Variants in SPHKAP observed in about 807,000 individuals in gnomAD.
SPHKAP encodes SPHK1 interactor, AKAP domain containing, also known as A-kinase anchor protein SPHKAP.
Under a neutral mutation model 137.5 loss-of-function variants are expected in SPHKAP, and 67 were observed. That is an observed-to-expected ratio of 0.49 (90% CI 0.40 to 0.60). The LOEUF (loss-of-function observed/expected upper bound fraction) is 0.60. SPHKAP is among the 20% of genes least tolerant of loss of function. The pLI, the probability that SPHKAP is intolerant of heterozygous loss-of-function variation, is 0.00. For synonymous variants in SPHKAP, 813 were observed against 785.3 expected (o/e 1.04, Z -0.59); for missense variants, 2,097 against 2,069.3 (o/e 1.01, Z -0.26).
rs1294309396 is a variant in SPHKAP, at chr2:227,991,064, G to C, written c.4895C>G (p.Ala1632Gly). The C allele has an allele frequency of 2.5e-6, 4 of 1,614,164 alleles. No individual in the cohort carries two copies. In the Admixed American group the frequency reaches 6.7e-5, roughly 27 times the overall value. Residue 1632 changes from alanine to glycine, a missense_variant, in exon 11 of 12, where the codon GCT becomes GGT. Physicochemically the swap from Ala to Gly is moderately conservative, Grantham distance 60. Coordinates refer to ENST00000392056, the MANE Select transcript of SPHKAP (RefSeq NM_001142644.2). ...AELRATLQWI[A>G]ASELGIPTIY... is the part of the protein sequence containing the mutation. ...GGTGGGAATCCCCAGTTCAGAGGCA[G>C]CTATCCACTGCAGAGTGGCTCGGAG...
chr2:228,102,736 A>ATTT (rs1054466264), intron 3 of SPHKAP, among the ~76,000 whole-genome samples: 12 of 150,526 alleles, frequency 8.0e-5, no homozygotes, highest in Non-Finnish European at 1.6e-4. Context: ...AAGTTCCTCA[A>ATTT]TTTTTTTTGT....
chr2:228,078,125 T>C (rs12474976), intron 3 of SPHKAP, among the ~76,000 whole-genome samples: 42,103 of 152,036 alleles, frequency 0.28, 6,140 homozygotes, highest in Admixed American at 0.38. Context: ...AAACCCTTTT[T>C]CCTACATAAA....
At chr2:228,037,003 T>C (rs1695641000) in intron 3 of SPHKAP, among the ~76,000 whole-genome samples, 1 of 152,184 alleles carries the variant, frequency 6.6e-6, no homozygotes, top group East Asian at 1.9e-4. Context: ...CTGCACATTG[T>C]GCGCATGTAC....
intron 2 of SPHKAP, among the ~76,000 whole-genome samples, chr2:228,130,690 G>T (rs1699222374): frequency 6.6e-6 from 1 of 152,140 alleles, no homozygotes; most frequent in African/African-American, 2.4e-5. Context: ...GAGTTATAGA[G>T]TTCAACAGAG....
chr2:228,063,086 C>T (rs1386655121), intron 3 of SPHKAP, among the ~76,000 whole-genome samples: 1 of 151,978 alleles, frequency 6.6e-6, no homozygotes, highest in Admixed American at 6.5e-5. Context: ...TAAGATTTTA[C>T]TATTTAATTT....
chr2:228,053,938 G>A (rs1302001096), intron 3 of SPHKAP, among the ~76,000 whole-genome samples: 1 of 152,152 alleles, frequency 6.6e-6, no homozygotes, highest in African/African-American at 2.4e-5. Flanking sequence ...ATAAATTAAT[G>A]TATTTAATCA....
At chr2:227,992,358 A>G (rs1028365609) in intron 9 of SPHKAP, among the ~76,000 whole-genome samples, 1 of 152,188 alleles carries the variant, frequency 6.6e-6, no homozygotes, top group African/African-American at 2.4e-5. Flanking sequence ...CTAGATCTCT[A>G]TGCAAGTGAC....
chr2:228,099,859 GT>G (rs910505174), intron 3 of SPHKAP, among the ~76,000 whole-genome samples: 1 of 143,804 alleles, frequency 7.0e-6, no homozygotes, highest in East Asian at 2.0e-4. Context: ...TTTTTTGTTT[GT>G]TTTTTTTGAG....
chr2:228,146,897 C>T (rs2106393772), intron 1 of SPHKAP, among the ~76,000 whole-genome samples: 1 of 152,268 alleles, frequency 6.6e-6, no homozygotes, highest in South Asian at 2.1e-4. Context: ...ATATTTTCTT[C>T]CTCTTGGAGA....
intron 3 of SPHKAP, among the ~76,000 whole-genome samples, chr2:228,063,341 G>C (rs1176408419): frequency 6.6e-6 from 1 of 152,064 alleles, no homozygotes; most frequent in Non-Finnish European, 1.5e-5. Context: ...TAACACTTCT[G>C]ATTATATAAT....
chr2:228,077,393 G>A (rs1697219917), intron 3 of SPHKAP, among the ~76,000 whole-genome samples: 1 of 152,188 alleles, frequency 6.6e-6, no homozygotes. Flanking sequence ...CAGGAGGGAG[G>A]CTGTACCTGG....
intron 1 of SPHKAP, among the ~76,000 whole-genome samples, chr2:228,149,631 C>G (rs1295140837): frequency 6.6e-6 from 1 of 152,158 alleles, no homozygotes; most frequent in Non-Finnish European, 1.5e-5. Flanking sequence ...ACTTATAATT[C>G]TCTCTGGAAA....
chr2:227,984,296 T>C (rs1270321668), intron 11 of SPHKAP, among the ~76,000 whole-genome samples: 1 of 126,420 alleles, frequency 7.9e-6, no homozygotes, highest in African/African-American at 3.1e-5. Context: ...TGAGACTCCA[T>C]CTCAAAAAAA....
In SPHKAP at chr2:228,180,364, C is replaced by T. The variant is rs1224231990; in HGVS notation, c.32+1203G>A. On this transcript the variant is annotated intron_variant, in intron 1 of 11. Transcript: ENST00000392056. ...CTTCAATGCCTTTGGAAAGCAGTCT[C>T]TCTCCTCCTCCGCCACCCCCACCTC... Among the ~76,000 whole-genome samples the T allele has an allele frequency of 2.6e-5, 4 of 152,306 alleles. No homozygotes were observed. In the East Asian group the frequency reaches 7.7e-4, roughly 29 times the overall value.
At chr2:228,179,267 A>G (rs935940532) in intron 1 of SPHKAP, among the ~76,000 whole-genome samples, 1 of 152,180 alleles carries the variant, frequency 6.6e-6, no homozygotes, top group African/African-American at 2.4e-5. Context: ...GACAATAGCA[A>G]TTTGATATTT....
intron 3 of SPHKAP, among the ~76,000 whole-genome samples, chr2:228,073,861 A>G (rs57663892): frequency 0.019 from 2,694 of 139,744 alleles, 82 homozygotes; most frequent in African/African-American, 0.066. Flanking sequence ...ATCATTTAAC[A>G]TCTTTTTTTA....
intron 3 of SPHKAP, among the ~76,000 whole-genome samples, chr2:228,058,380 C>T (rs1374577950): frequency 2.6e-5 from 4 of 152,152 alleles, no homozygotes; most frequent in Non-Finnish European, 5.9e-5. Context: ...TGCATTATAA[C>T]CCACATTATG....
At chr2:228,034,580 AAG>A (rs1256087817) in intron 3 of SPHKAP, among the ~76,000 whole-genome samples, 1 of 152,194 alleles carries the variant, frequency 6.6e-6, no homozygotes, top group Non-Finnish European at 1.5e-5. Flanking sequence ...ACAACCAAAA[AAG>A]AGAATTTTAG....
chr2:228,041,058 C>G (rs542960556), intron 3 of SPHKAP, among the ~76,000 whole-genome samples: 2 of 151,942 alleles, frequency 1.3e-5, no homozygotes, highest in Admixed American at 6.6e-5. Context: ...AAAAATAAAG[C>G]GGTAATAGAA....
Sources: gnomAD v4.1 joint callset for allele counts (sites outside exome capture counted in the v4.1 genomes callset) on GRCh38, gnomAD v4.1.1 for gene constraint, MANE v1.5 for transcripts, NCBI Gene and HGNC (gene_info 2026-07-23, HGNC 2026-07-21) for gene names.